The following ERI3 variants were observed in gnomAD, a reference collection of about 807,000 sequenced individuals.
The protein encoded by ERI3 is ERI1 exoribonuclease 3.
In ERI3, 18 loss-of-function variants were observed where a neutral mutation model predicts 44.4. The ratio of observed to expected loss-of-function variants is 0.41; its 90% CI spans 0.28 to 0.60. The LOEUF (loss-of-function observed/expected upper bound fraction) is 0.60. ERI3 is among the 20% of genes least tolerant of loss of function. ERI3 has a pLI of 0.36. For synonymous variants in ERI3, 183 were observed against 164.8 expected (o/e 1.11, Z -0.84); for missense variants, 294 against 435.5 (o/e 0.68, Z 2.89).
intron 8 of ERI3, among the ~76,000 whole-genome samples, chr1:44,245,793 TAGA>T (rs1557781358): frequency 6.6e-6 from 1 of 152,248 alleles, no homozygotes; most frequent in East Asian, 1.9e-4. Context: ...GGATAGATGA[TAGA>T]AGGGGCACCC....
At chr1:44,299,615 G>A (rs912115481) in intron 6 of ERI3, among the ~76,000 whole-genome samples, 1 of 152,116 alleles carries the variant, frequency 6.6e-6, no homozygotes, top group African/African-American at 2.4e-5. Context: ...CTTGGAGCTT[G>A]GGAAAAAAGG....
At chr1:44,300,527 AAGGACATGGG>A (rs1399370486) in intron 6 of ERI3, among the ~76,000 whole-genome samples, 1 of 152,170 alleles carries the variant, frequency 6.6e-6, no homozygotes, top group Non-Finnish European at 1.5e-5. Context: ...GCTCTGAGGG[AAGGACATGGG>A]GTGAGACGCC....
At chr1:44,344,644 G>A (rs978205621) in intron 2 of ERI3, among the ~76,000 whole-genome samples, 3 of 152,180 alleles carry the variant, frequency 2.0e-5, no homozygotes, top group Non-Finnish European at 4.4e-5. Flanking sequence ...CAGGCTATAA[G>A]TCTATAGCTT....
chr1:44,226,070 G>A (rs1191926718), intron 8 of ERI3, among the ~76,000 whole-genome samples: 1 of 152,164 alleles, frequency 6.6e-6, no homozygotes, highest in Non-Finnish European at 1.5e-5. Context: ...CCAAAGTTAA[G>A]CAGAGGTCTT....
intron 2 of ERI3, among the ~76,000 whole-genome samples, chr1:44,344,761 T>A (rs1426070734): frequency 6.6e-6 from 1 of 152,238 alleles, no homozygotes; most frequent in Non-Finnish European, 1.5e-5. Flanking sequence ...GACTAAGATT[T>A]ATACACATTT....
At chr1:44,313,349 C>T in intron 4 of ERI3, 121 bp from the exon 5 acceptor site, 2 of 877,198 alleles carry the variant, frequency 2.3e-6, no homozygotes, top group East Asian at 5.3e-5. Context: ...TCTGGCACTG[C>T]TTTAGGTTCA....
chr1:44,312,763 T>G (rs568645980), intron 5 of ERI3, among the ~76,000 whole-genome samples: 8 of 152,272 alleles, frequency 5.3e-5, no homozygotes, highest in African/African-American at 1.9e-4. Flanking sequence ...GTTAATGAAG[T>G]GCTCACATGC....
At chr1:44,234,086 T>C (rs1449470013) in intron 8 of ERI3, among the ~76,000 whole-genome samples, 1 of 152,198 alleles carries the variant, frequency 6.6e-6, no homozygotes, top group Non-Finnish European at 1.5e-5. Flanking sequence ...TGATCACCTC[T>C]TAGATATGGA....
chr1:44,322,893 A>C, intron 3 of ERI3: 1 of 1,536,360 alleles, frequency 6.5e-7, no homozygotes, highest in Non-Finnish European at 8.8e-7. Context: ...GCTGATAATG[A>C]TCAGAGATGG....
chr1:44,325,277 A>G (rs12747388), intron 3 of ERI3, among the ~76,000 whole-genome samples: 1 of 151,768 alleles, frequency 6.6e-6, no homozygotes, highest in African/African-American at 2.4e-5. Context: ...GGGTTTCACC[A>G]TATTGGCCAG....
intron 4 of ERI3, among the ~76,000 whole-genome samples, chr1:44,316,880 G>C (rs897183318): frequency 1.4e-4 from 21 of 152,172 alleles, no homozygotes; most frequent in Non-Finnish European, 2.8e-4. Context: ...AGGTCAAAGG[G>C]AAAGGGCTCG....
chr1:44,247,655 T>C (rs1489147713), intron 8 of ERI3, among the ~76,000 whole-genome samples: 1 of 152,142 alleles, frequency 6.6e-6, no homozygotes, highest in East Asian at 1.9e-4. Flanking sequence ...CCACTAGAGA[T>C]GCAGCCAGTG....
chr1:44,313,025 A>G, intron 5 of ERI3, 144 bp downstream of exon 5: 1 of 750,784 alleles, frequency 1.3e-6, no homozygotes, highest in South Asian at 1.5e-5. Flanking sequence ...TACTCTCAAC[A>G]GCATGTCACT....
At chr1:44,338,457 T>C (rs117647642) in intron 3 of ERI3, among the ~76,000 whole-genome samples, 112 of 152,316 alleles carry the variant, frequency 7.4e-4, no homozygotes, top group East Asian at 6.2e-3. Context: ...CCTCAGTTCC[T>C]ACACACATGT....
intron 7 of ERI3, among the ~76,000 whole-genome samples, chr1:44,277,382 G>A (rs1420589947): frequency 2.0e-5 from 3 of 152,034 alleles, no homozygotes; most frequent in Non-Finnish European, 4.4e-5. Flanking sequence ...AAAAACACAT[G>A]CCTTCTACCT....
At chr1:44,225,225 A>C (rs1644007566) in intron 8 of ERI3, among the ~76,000 whole-genome samples, 1 of 152,174 alleles carries the variant, frequency 6.6e-6, no homozygotes, top group South Asian at 2.1e-4. Context: ...CCTTGCACCC[A>C]CAATAGAGGC....
At chr1:44,262,009 G>T (rs1471706327) in intron 7 of ERI3, among the ~76,000 whole-genome samples, 1 of 152,188 alleles carries the variant, frequency 6.6e-6, no homozygotes, top group Non-Finnish European at 1.5e-5. Context: ...GTTCCCGAAG[G>T]CTCTGTCCTC....
chr1:44,280,468 A>G (rs1394347931), intron 7 of ERI3, among the ~76,000 whole-genome samples: 1 of 152,202 alleles, frequency 6.6e-6, no homozygotes. Context: ...AACCAAGGAC[A>G]GTATTCCTCC....
At chr1:44,296,708 T>C (rs1415873390) in intron 6 of ERI3, among the ~76,000 whole-genome samples, 6 of 152,208 alleles carry the variant, frequency 3.9e-5, no homozygotes, top group Non-Finnish European at 1.5e-5. Context: ...GGAAAACTCC[T>C]GGCTCTCATC....
Sources: gnomAD v4.1 joint callset for allele counts (sites outside exome capture counted in the v4.1 genomes callset) on GRCh38, gnomAD v4.1.1 for gene constraint, MANE v1.5 for transcripts, NCBI Gene and HGNC (gene_info 2026-07-23, HGNC 2026-07-21) for gene names.